UTY: variants seen among roughly 807,000 people sequenced by gnomAD.
UTY encodes histone demethylase UTY.
A neutral mutation model predicts 32.5 loss-of-function variants in UTY; 12 were observed. The observed-to-expected ratio is 0.37, with a 90% confidence interval of 0.24 to 0.60. The LOEUF is 0.60. UTY is among the 20% of genes least tolerant of loss of function. The pLI, the probability that UTY is intolerant of heterozygous loss-of-function variation, is 0.69. For synonymous variants in UTY, 131 were observed against 103.4 expected, an observed-to-expected ratio of 1.27 and a Z score of -1.62; for missense variants, 303 against 299.2, an observed-to-expected ratio of 1.01 and a Z score of -0.09.
At chrY:13,314,241 CG>C (rs2059356466) in intron 21 of UTY, among the ~76,000 whole-genome samples, 1 of 32,641 alleles carries the variant, frequency 3.1e-5, no homozygotes, top group Non-Finnish European at 7.5e-5. Context: ...AGTTAAACCC[CG>C]TCTCTACTAA....
intron 21 of UTY, among the ~76,000 whole-genome samples, chrY:13,320,480 G>A (rs1603390476): frequency 3.1e-5 from 1 of 32,276 alleles, no homozygotes; most frequent in Non-Finnish European, 7.5e-5. Flanking sequence ...AAACTTTCAG[G>A]ATTCATGGAG....
intron 18 of UTY, among the ~76,000 whole-genome samples, chrY:13,332,168 G>A (rs2149014251): frequency 5.9e-5 from 2 of 33,709 alleles, no homozygotes; most frequent in African/African-American, 2.3e-4. Context: ...TCTACCAGAC[G>A]TACAAAAAGG....
In UTY at chrY:13,359,874, C is replaced by A. The variant is rs773151105; in HGVS notation, c.1078G>T (p.Glu360Ter). The change falls in exon 12 of 30, where the codon GAA (glutamate) becomes TAA (stop). Residue 360 changes from glutamate to a stop codon, truncating the protein, a stop_gained. Transcript: ENST00000545955. LOFTEE classifies it high-confidence loss of function. ...GCATCTTGAGGTTGATTGCAGGATT[C>A]ATAGAGAGTACCTAGGTCCATCCAG... is the stretch of plus-strand genomic sequence containing the variant. ...AAWMDLGTLYESCNQPQDAIK... is the reference protein window; with the variant it reads ...AAWMDLGTLY The A allele has an allele frequency of 2.5e-6, 1 of 398,191 alleles. No individual in the cohort carries two copies. The highest frequency in any genetic ancestry group is 3.5e-6 in the Non-Finnish European group (1 of 283,318).
Position 13,299,684 on chromosome Y carries a change from C to T in UTY, c.3681-540G>A, listed in dbSNP as rs995876465. Among the ~76,000 whole-genome samples the T allele has an allele frequency of 2.4e-4, 8 of 32,895 alleles. No individual in the cohort carries two copies. The East Asian group carries it at 4.7e-3, about 20-fold the overall frequency. The allele number at this position is 32,895 out of a possible 37,273, so 88.3% of individuals were successfully genotyped here. A position where few individuals can be genotyped will look rare whatever the true frequency, so the allele number is the denominator to read the frequency against. On this transcript the variant is annotated intron_variant, in intron 25 of 29. Transcript: ENST00000545955. ...CAACATGAATTGCCTCTTTCATTTC[C>T]GGTTGGAGGCTTGGGCTAGGGTCCT...
chrY:13,319,884 C>CT, intron 21 of UTY, among the ~76,000 whole-genome samples: 1 of 32,620 alleles, frequency 3.1e-5, no homozygotes. Flanking sequence ...AAGGTTTCAC[C>CT]TTTTTTTTAA....
chrY:13,473,128 G>T, intron 2 of UTY, among the ~76,000 whole-genome samples: 1 of 32,135 alleles, frequency 3.1e-5, no homozygotes, highest in African/African-American at 1.2e-4. Context: ...CGTAGTGGTG[G>T]GTGGCTGTTA....
intron 4 of UTY, among the ~76,000 whole-genome samples, chrY:13,430,678 T>G: frequency 3.1e-5 from 1 of 32,474 alleles, no homozygotes; most frequent in African/African-American, 1.2e-4. Context: ...ATGTGGCTCA[T>G]GCCTGTAATA....
At chrY:13,329,609 C>T in intron 18 of UTY, among the ~76,000 whole-genome samples, 1 of 33,991 alleles carries the variant, frequency 2.9e-5, no homozygotes, top group African/African-American at 1.1e-4. Context: ...TTGCACACAT[C>T]TGGTAATCTG....
At chrY:13,247,505 T>C (rs2053962778), downstream of UTY, among the ~76,000 whole-genome samples, 1 of 32,697 alleles carries the variant, frequency 3.1e-5, no homozygotes, top group Non-Finnish European at 7.5e-5. Context: ...CTGGCTAATA[T>C]GGTGAAACCT....
At chrY:13,396,677 T>C in intron 7 of UTY, 1 of 65,899 alleles carries the variant, frequency 1.5e-5, no homozygotes, top group Admixed American at 2.2e-4. Flanking sequence ...AGGTAATCAC[T>C]ATTTGTTAGT....
intron 27 of UTY, among the ~76,000 whole-genome samples, chrY:13,268,272 AGTT>A (rs2148504438): frequency 3.0e-5 from 1 of 32,821 alleles, no homozygotes; most frequent in South Asian, 6.9e-4. Flanking sequence ...TATTTCATTA[AGTT>A]GTTTTCAATC....
intron 21 of UTY, among the ~76,000 whole-genome samples, chrY:13,309,237 A>C: frequency 2.9e-5 from 1 of 33,939 alleles, no homozygotes; most frequent in South Asian, 6.4e-4. Flanking sequence ...ACATGAGCCC[A>C]AATGGTCAAT....
intron 27 of UTY, among the ~76,000 whole-genome samples, chrY:13,281,954 C>T: frequency 3.0e-5 from 1 of 32,964 alleles, no homozygotes; most frequent in Admixed American, 2.8e-4. Flanking sequence ...CTAATGGCTG[C>T]GGAATACACA....
At chrY:13,426,897 T>C (rs1603459474) in intron 4 of UTY, among the ~76,000 whole-genome samples, 4 of 33,129 alleles carry the variant, frequency 1.2e-4, no homozygotes, top group South Asian at 6.5e-4. Flanking sequence ...ATTCAGCTCA[T>C]TGGCTTAAAA....
At chrY:13,285,478 G>A (rs1312704474) in intron 27 of UTY, among the ~76,000 whole-genome samples, 14 of 34,180 alleles carry the variant, frequency 4.1e-4, no homozygotes, top group Non-Finnish European at 9.5e-4. Flanking sequence ...GATGACAGTC[G>A]ATAAAAACGT....
intron 25 of UTY, among the ~76,000 whole-genome samples, chrY:13,302,659 G>T (rs765866746): frequency 1.6e-3 from 55 of 33,980 alleles, no homozygotes; most frequent in African/African-American, 5.4e-3. Context: ...GCATCTCCAA[G>T]TGCTGAGATT....
intron 28 of UTY, among the ~76,000 whole-genome samples, chrY:13,258,981 G>A: frequency 2.9e-5 from 1 of 34,113 alleles, no homozygotes; most frequent in Non-Finnish European, 7.3e-5. Flanking sequence ...GTGGATTTAC[G>A]GGAATGAGGG....
At chrY:13,259,399 A>G (rs957615005) in intron 28 of UTY, among the ~76,000 whole-genome samples, 9 of 34,129 alleles carry the variant, frequency 2.6e-4, no homozygotes. Flanking sequence ...CACATAACAT[A>G]GTCCTCTGCT....
At chrY:13,336,773 T>C in intron 17 of UTY, among the ~76,000 whole-genome samples, 1 of 33,160 alleles carries the variant, frequency 3.0e-5, no homozygotes, top group Non-Finnish European at 7.5e-5. Context: ...TCAATAAAAC[T>C]AAAAGAACTG....
Sources: gnomAD v4.1 joint callset for allele counts (sites outside exome capture counted in the v4.1 genomes callset) on GRCh38, gnomAD v4.1.1 for gene constraint, MANE v1.5 for transcripts, NCBI Gene and HGNC (gene_info 2026-07-23, HGNC 2026-07-21) for gene names.